The following LRRK2 variants were observed in gnomAD, a reference collection of about 807,000 sequenced individuals.
LRRK2 encodes the protein leucine-rich repeat serine/threonine-protein kinase 2.
Under a neutral mutation model 302.6 loss-of-function variants are expected in LRRK2, and 203 were observed. That is an observed-to-expected ratio of 0.67 (90% confidence interval 0.60 to 0.75). LRRK2 has a LOEUF of 0.75. Ranked by LOEUF, LRRK2 falls within the 30% of genes least tolerant of loss-of-function variation. LRRK2 has a pLI of 0.00. For missense variants in LRRK2, 2,830 were observed against 2,951.0 expected (o/e 0.96, Z 0.95); for synonymous variants, 1,066 against 1,031.9 (o/e 1.03, Z -0.63).
At chr12:40,250,688 G>T (rs1942224227) in intron 8 of LRRK2, among the ~76,000 whole-genome samples, 1 of 152,134 alleles carries the variant, frequency 6.6e-6, no homozygotes, top group Non-Finnish European at 1.5e-5. Context: ...GCCCCAGTGT[G>T]TATTGTCCCT....
chr12:40,342,008 A>G (rs1264631006), intron 41 of LRRK2, among the ~76,000 whole-genome samples: 1 of 152,200 alleles, frequency 6.6e-6, no homozygotes, highest in East Asian at 1.9e-4. Flanking sequence ...CTCTTGAAAG[A>G]TCTGCTCATT....
intron 4 of LRRK2, 120 bp from the exon 5 acceptor site, chr12:40,237,849 G>A: frequency 9.7e-7 from 1 of 1,026,910 alleles, no homozygotes; most frequent in South Asian, 1.5e-5. Flanking sequence ...AAACAAACAA[G>A]AAAACCATGG....
intron 20 of LRRK2, among the ~76,000 whole-genome samples, chr12:40,288,130 A>G (rs1943999410): frequency 6.6e-6 from 1 of 151,776 alleles, no homozygotes; most frequent in African/African-American, 2.4e-5. Context: ...TCTTATTAAT[A>G]TAGTATGATT....
chr12:40,367,087 A>G lies in LRRK2; in HGVS notation c.7462+10A>G. The G allele has an allele frequency of 1.3e-6, 2 of 1,599,606 alleles. No homozygotes were observed. Among genetic ancestry groups the G allele is most frequent in the Non-Finnish European group, 1.7e-6 (2 of 1,167,950 alleles). ...ACACAAAAGCAGAAAGGTAACATTT[A>G]GAAGGATACTGTTTTCCAAACAGGG... On this transcript the variant is annotated intron_variant, in intron 50 of 50. Coordinates refer to ENST00000298910, the MANE Select transcript of LRRK2 (RefSeq NM_198578.4).
chr12:40,268,344 G>A (rs1420622917), intron 14 of LRRK2, among the ~76,000 whole-genome samples: 3 of 152,244 alleles, frequency 2.0e-5, no homozygotes, highest in East Asian at 1.9e-4. Context: ...AAACCTTGAA[G>A]CAAAATATAC....
At chr12:40,263,756 ATTCT>A (rs1942882195) in intron 13 of LRRK2, 29 bp from the exon 14 acceptor site, 3 of 1,466,080 alleles carry the variant, frequency 2.0e-6, no homozygotes, top group East Asian at 4.6e-5. Flanking sequence ...TTATAAGAAA[ATTCT>A]TTCTTTATTT....
At chr12:40,318,172 A>T in intron 33 of LRRK2, among the ~76,000 whole-genome samples, 1 of 152,102 alleles carries the variant, frequency 6.6e-6, no homozygotes. Context: ...TGGCAAAAAT[A>T]TTAATTCTGC....
At position 40,323,185 on chromosome 12, in the gene LRRK2, A is replaced by G. The variant is rs199888180; in HGVS notation, c.5535A>G (p.Gln1845=). 3.2e-5 allele frequency: 51 copies of G among 1,613,208 alleles called. No individual in the cohort carries two copies. Among genetic ancestry groups the G allele is most frequent in the African/African-American group, 6.7e-5 (5 of 74,904 alleles). Residue 1845 remains glutamine, a synonymous_variant, in exon 38 of 51, where the codon CAA becomes CAG. Transcript: ENST00000298910. ...EEGDLLVNPD[Q]PRLTIPISQI... ...GAGATCTCTTAGTAAATCCAGATCA[A>G]CCAAGGCTCACCATTCCAATATCTC...
At chr12:40,327,176 A>G (rs1945578904) in intron 38 of LRRK2, among the ~76,000 whole-genome samples, 1 of 152,174 alleles carries the variant, frequency 6.6e-6, no homozygotes, top group African/African-American at 2.4e-5. Flanking sequence ...CACGGGGCTG[A>G]TCATGGTCAG....
chr12:40,340,821 A>G (rs1946016145), intron 41 of LRRK2, among the ~76,000 whole-genome samples: 1 of 152,206 alleles, frequency 6.6e-6, no homozygotes, highest in Admixed American at 6.5e-5. Context: ...AGGTCCACAA[A>G]TTCTTTTTCA....
At chr12:40,295,716 T>G in intron 23 of LRRK2, 72 bp downstream of exon 23, 1 of 1,415,306 alleles carries the variant, frequency 7.1e-7, no homozygotes, top group South Asian at 1.2e-5. Flanking sequence ...ATTTGCATAA[T>G]TAAGTCGTTT....
At chr12:40,293,522 T>A (rs1944244710) in intron 20 of LRRK2, 23 bp from the exon 21 acceptor site, 1 of 1,443,104 alleles carries the variant, frequency 6.9e-7, no homozygotes, top group African/African-American at 1.4e-5. Flanking sequence ...CACCTTCATG[T>A]TATTTTATCA....
At chr12:40,258,962 A>C (rs942646375) in intron 12 of LRRK2, among the ~76,000 whole-genome samples, 4 of 152,182 alleles carry the variant, frequency 2.6e-5, no homozygotes, top group Non-Finnish European at 5.9e-5. Flanking sequence ...AATAGCTTAA[A>C]TACCTGAGAG....
Position 40,340,695 on chromosome 12 carries a change from AG to A in LRRK2, c.6109+242del, listed in dbSNP as rs540346437. 4.6e-5 allele frequency among the ~76,000 whole-genome samples: 7 copies of A among 152,364 alleles called. No homozygotes were observed. The South Asian group carries it at 1.2e-3, about 27-fold the overall frequency. ...AAAAAGAAGAGAATGTTTGATATCAAGTTATATGTTTTAAAGTTAGATTTGT... is the reference window on the plus strand; with the variant it reads ...AAAAAGAAGAGAATGTTTGATATCAATTATATGTTTTAAAGTTAGATTTGT... On this transcript the variant is annotated intron_variant, in intron 41 of 50. Transcript: ENST00000298910.
At chr12:40,340,096 T>A (rs1945992213) in intron 40 of LRRK2, among the ~76,000 whole-genome samples, 198 bp from the exon 41 acceptor site, 1 of 152,252 alleles carries the variant, frequency 6.6e-6, no homozygotes, top group Non-Finnish European at 1.5e-5. Flanking sequence ...GACCCTTTTT[T>A]AAAGCATAAC....
At chr12:40,367,554 C>A in intron 50 of LRRK2, 90 bp from the exon 51 acceptor site, 1 of 1,250,582 alleles carries the variant, frequency 8.0e-7, no homozygotes, top group South Asian at 1.5e-5. Context: ...TTATCTAAGT[C>A]AACTAAAAAT....
At chr12:40,283,462 G>A (rs1362714136) in intron 18 of LRRK2, among the ~76,000 whole-genome samples, 1 of 152,156 alleles carries the variant, frequency 6.6e-6, no homozygotes, top group Non-Finnish European at 1.5e-5. Flanking sequence ...GTTATTCTAT[G>A]TCACAAATAA....
intron 48 of LRRK2, 119 bp from the exon 49 acceptor site, chr12:40,364,723 G>A: frequency 1.2e-6 from 1 of 849,752 alleles, no homozygotes; most frequent in East Asian, 2.7e-5. Context: ...TTTTAATGAT[G>A]CATAATGGTG....
In LRRK2 at chr12:40,296,108, AC is replaced by A. The variant is rs1944376343; in HGVS notation, c.3096+465del. ...GAAATAGAGATTCAACTAAATGATT[AC>A]TGAAAGTTTTTTTTTCAGTTTAAAA... On this transcript the variant is annotated intron_variant, in intron 23 of 50. Transcript: ENST00000298910. 2.0e-5 allele frequency among the ~76,000 whole-genome samples: 3 copies of A among 152,168 alleles called. No individual in the cohort carries two copies. The South Asian group carries it at 6.2e-4, about 31-fold the overall frequency.
Sources: allele counts gnomAD v4.1 joint callset (sites outside exome capture counted in the v4.1 genomes callset), GRCh38; gene constraint gnomAD v4.1.1; transcripts MANE v1.5; gene names NCBI Gene and HGNC (gene_info 2026-07-23, HGNC 2026-07-21).